Variants in USP32 observed in about 807,000 individuals in gnomAD.
The protein encoded by USP32 is ubiquitin specific peptidase 32.
A neutral mutation model predicts 204.8 loss-of-function variants in USP32; 59 were observed. The ratio of observed to expected loss-of-function variants is 0.29; its 90% confidence interval spans 0.23 to 0.36. USP32 has a LOEUF of 0.36. Ranked by LOEUF, USP32 falls within the 10% of genes least tolerant of loss-of-function variation. The pLI is 1.00. For synonymous variants in USP32, 517 were observed against 678.4 expected, an observed-to-expected ratio of 0.76 and a Z score of 3.70; for missense variants, 1,160 against 1,946.4, an observed-to-expected ratio of 0.60 and a Z score of 7.60.
intron 21 of USP32, 41 bp from the exon 22 acceptor site, chr17:60,209,584 A>C (rs757664749): frequency 1.4e-6 from 2 of 1,441,630 alleles, no homozygotes; most frequent in Admixed American, 2.5e-5. Flanking sequence ...TTTCCTACCC[A>C]TAAAATTTGG....
intron 1 of USP32, 116 bp from the exon 2 acceptor site, chr17:60,345,724 A>G (rs536013282): frequency 3.7e-6 from 5 of 1,333,536 alleles, no homozygotes; most frequent in East Asian, 4.8e-5. Context: ...GCTCACGCCT[A>G]TAATCCCAGT....
chr17:60,249,906 C>T (rs2086124438), intron 11 of USP32, among the ~76,000 whole-genome samples: 1 of 134,326 alleles, frequency 7.4e-6, no homozygotes, highest in South Asian at 2.4e-4. Context: ...TTTGTTTCAC[C>T]TCATTGCATA....
chr17:60,397,154 G>C (rs1475878777), intron 1 of USP32, among the ~76,000 whole-genome samples: 2 of 152,168 alleles, frequency 1.3e-5, no homozygotes, highest in Non-Finnish European at 2.9e-5. Flanking sequence ...AAAATGCATA[G>C]AATAATATGG....
chr17:60,384,523 G>A (rs1478839087), intron 1 of USP32, among the ~76,000 whole-genome samples: 1 of 152,202 alleles, frequency 6.6e-6, no homozygotes, highest in Non-Finnish European at 1.5e-5. Flanking sequence ...CAGGCACGGT[G>A]GCTCATGCTT....
intron 2 of USP32, 144 bp from the exon 3 acceptor site, chr17:60,301,848 C>A (rs1255386812): frequency 1.6e-6 from 1 of 632,044 alleles, no homozygotes; most frequent in Non-Finnish European, 2.8e-6. Context: ...GTTTCTCCCT[C>A]TTCTTCCTCT....
At chr17:60,316,670 G>A (rs543957325) in intron 2 of USP32, among the ~76,000 whole-genome samples, 63 of 152,078 alleles carry the variant, frequency 4.1e-4, no homozygotes, top group African/African-American at 1.5e-3. Flanking sequence ...GTGAAATCCC[G>A]TCTCTACTAA....
intron 11 of USP32, among the ~76,000 whole-genome samples, chr17:60,241,349 G>A (rs1473935505): frequency 1.3e-5 from 2 of 152,128 alleles, no homozygotes; most frequent in African/African-American, 4.8e-5. Context: ...TCTGAAACCA[G>A]GGACCAGGTG....
intron 5 of USP32, among the ~76,000 whole-genome samples, chr17:60,277,199 C>T (rs2086860660): frequency 6.6e-6 from 1 of 152,068 alleles, no homozygotes; most frequent in Non-Finnish European, 1.5e-5. Context: ...TACCATATTC[C>T]CAACATTCTA....
chr17:60,273,874 C>T (rs995458449), intron 5 of USP32, among the ~76,000 whole-genome samples: 5 of 144,784 alleles, frequency 3.5e-5, no homozygotes, highest in Non-Finnish European at 6.0e-5. Context: ...GCAGGACAAT[C>T]GCTTGAACCT....
chr17:60,398,061 T>A (rs1259140078), intron 1 of USP32, among the ~76,000 whole-genome samples: 1 of 152,176 alleles, frequency 6.6e-6, no homozygotes, highest in Non-Finnish European at 1.5e-5. Flanking sequence ...TAAAATAGCA[T>A]TTAGTTAAAA....
chr17:60,274,138 C>T (rs1415290596), intron 5 of USP32, among the ~76,000 whole-genome samples: 1 of 151,644 alleles, frequency 6.6e-6, no homozygotes, highest in African/African-American at 2.4e-5. Flanking sequence ...ACTGGAACTA[C>T]TAAAGATGAA....
rs1433506963 is a variant in USP32 at position 60,211,131 on chromosome 17, G to A, written c.2319-13C>T. 6.2e-7 allele frequency: 1 copy of A among 1,605,068 alleles called. No individual in the cohort carries two copies. Among genetic ancestry groups the A allele is most frequent in the African/African-American group, 1.3e-5 (1 of 74,760 alleles). On this transcript the variant is annotated splice_polypyrimidine_tract_variant and intron_variant, in intron 20 of 33. Coordinates refer to ENST00000300896, the MANE Select transcript of USP32 (RefSeq NM_032582.4). The stretch of plus-strand genomic sequence containing the variant: ...AATGGGATTTGTCCTAGAAGTTTGA[G>A]AGGAAAATTTGTTGCCAAAGATTCT...
chr17:60,196,947 G>A (rs2084536063), intron 27 of USP32, among the ~76,000 whole-genome samples: 1 of 151,838 alleles, frequency 6.6e-6, no homozygotes, highest in African/African-American at 2.4e-5. Context: ...TTGAGAGGCC[G>A]AGGTAGGTGG....
chr17:60,310,189 C>A (rs1043951397), intron 2 of USP32, among the ~76,000 whole-genome samples: 2 of 152,136 alleles, frequency 1.3e-5, no homozygotes, highest in Non-Finnish European at 2.9e-5. Context: ...TATGGCTGTT[C>A]CTCAAAAGAC....
At chr17:60,405,225 C>T (rs763844466) in intron 1 of USP32, among the ~76,000 whole-genome samples, 1 of 152,150 alleles carries the variant, frequency 6.6e-6, no homozygotes, top group African/African-American at 2.4e-5. Context: ...GTTTTTGAGA[C>T]AGAGTTTCGC....
chr17:60,348,979 G>A (rs1183649418), intron 1 of USP32, among the ~76,000 whole-genome samples: 1 of 152,038 alleles, frequency 6.6e-6, no homozygotes, highest in Non-Finnish European at 1.5e-5. Context: ...GCAATTGAAG[G>A]AGGTAACTTT....
At chr17:60,200,663 C>G (rs2084654628) in intron 26 of USP32, among the ~76,000 whole-genome samples, 1 of 152,208 alleles carries the variant, frequency 6.6e-6, no homozygotes, top group African/African-American at 2.4e-5. Flanking sequence ...TCAAAAGCCT[C>G]CCATTTGCTT....
rs377249314 is a variant in USP32, at chr17:60,298,428, C to T, written c.292+3171G>A. Reference sequence around the variant, plus strand: ...ATATCATAATTTTTTTCAGTTGACACATATAACCTATCCACATCCTCCCAT... The same window carrying T: ...ATATCATAATTTTTTTCAGTTGACATATATAACCTATCCACATCCTCCCAT... On this transcript the variant is annotated intron_variant, in intron 3 of 33. Coordinates refer to ENST00000300896, the MANE Select transcript of USP32 (RefSeq NM_032582.4). Among the ~76,000 whole-genome samples, 23 of 152,254 alleles carry T rather than the reference C, an allele frequency of 1.5e-4. 1 individual carries two copies. In the South Asian group the frequency reaches 4.8e-3, roughly 32 times the overall value.
At chr17:60,359,427 G>A (rs971423566) in intron 1 of USP32, among the ~76,000 whole-genome samples, 2 of 152,136 alleles carry the variant, frequency 1.3e-5, no homozygotes, top group Non-Finnish European at 2.9e-5. Context: ...TCAAATAAAT[G>A]TGCTATCTAT....
Sources: gnomAD v4.1 joint callset for allele counts (sites outside exome capture counted in the v4.1 genomes callset) on GRCh38, gnomAD v4.1.1 for gene constraint, MANE v1.5 for transcripts, NCBI Gene and HGNC (gene_info 2026-07-23, HGNC 2026-07-21) for gene names.